The following ADAMTS7 variants were observed in gnomAD, a reference collection of about 807,000 sequenced individuals.
ADAMTS7 encodes the protein A disintegrin and metalloproteinase with thrombospondin motifs 7.
Under a neutral mutation model 172.6 loss-of-function variants are expected in ADAMTS7, and 89 were observed. That is an observed-to-expected ratio of 0.52 (90% confidence interval 0.43 to 0.61). ADAMTS7 has a LOEUF of 0.61. ADAMTS7 is among the 20% of genes least tolerant of loss of function. The pLI is 0.00. For synonymous variants in ADAMTS7, 885 were observed against 978.4 expected (o/e 0.90, Z 1.78); for missense variants, 1,973 against 2,355.6 (o/e 0.84, Z 3.36).
chr15:78,783,254 A>G (rs1047176803), intron 8 of ADAMTS7, among the ~76,000 whole-genome samples: 2 of 152,144 alleles, frequency 1.3e-5, no homozygotes, highest in African/African-American at 4.8e-5. Context: ...TATATATGAA[A>G]TACAGCCAAT....
At position 78,776,206 on chromosome 15, in the gene ADAMTS7, C is replaced by T. The variant is rs549518349; in HGVS notation, c.1688G>A (p.Arg563Gln). 1.5e-5 allele frequency: 24 copies of T among 1,611,032 alleles called. No individual in the cohort carries two copies. Among genetic ancestry groups the T allele is most frequent in the South Asian group, 4.4e-5 (4 of 90,956 alleles). The change falls in exon 11 of 24, where the codon CGG becomes CAG. Residue 563 changes from arginine to glutamine, a missense_variant. By Grantham distance (43) the Arg-to-Gln change is conservative. Coordinates refer to ENST00000388820, the MANE Select transcript of ADAMTS7 (RefSeq NM_014272.5). ...SCGMGVQSAE[R>Q]QCTQPTPKYK... ...CACTCACGTAGGCTGCGTGCACTGC[C>T]GCTCGGCGCTCTGTACGCCCATGCC... is the stretch of plus-strand genomic sequence containing the variant.
At position 78,791,145 on chromosome 15, in the gene ADAMTS7, C is replaced by T; in HGVS notation, c.898G>A (p.Glu300Lys). 6.2e-7 allele frequency: 1 copy of T among 1,613,014 alleles called. No individual in the cohort carries two copies. Among genetic ancestry groups the T allele is most frequent in the Non-Finnish European group, 8.5e-7 (1 of 1,179,476 alleles). Residue 300 changes from glutamate (E) to lysine (K), a missense_variant, in exon 5 of 24, where the codon GAG becomes AAG. Physicochemically the swap from Glu to Lys is moderately conservative, Grantham distance 56. Coordinates refer to ENST00000388820, the MANE Select transcript of ADAMTS7 (RefSeq NM_014272.5). ...TIVRLVLLED[E>K]EEDLKITHHA... ...GGGACCACATGACCACTCACCTCCT[C>T]ATCTTCCAGCAGGACCAGGCGCACA...
Position 78,796,690 on chromosome 15 carries a change from T to C in ADAMTS7, c.719A>G (p.Lys240Arg), listed in dbSNP as rs753745208. ...LRRLHQRSVS[K>R]EKWVETLVVA... The stretch of plus-strand genomic sequence containing the variant: ...TACCAGGGTCTCCACCCACTTCTCT[T>C]TGCTGACCGACCGCTGGTGTAGACG... Residue 240 changes from lysine (K) to arginine (R), a missense_variant, in exon 4 of 24, where the codon AAA becomes AGA. Lys to Arg is a conservative substitution (Grantham distance 26, BLOSUM62 2). Around this residue, in one of 8 missense-constraint regions of ADAMTS7, gnomAD observed 526 missense variants for 662.9 expected, o/e 0.79. Transcript: ENST00000388820. 6.2e-7 allele frequency: 1 copy of C among 1,614,030 alleles called. No homozygotes were observed. Among genetic ancestry groups the C allele is most frequent in the Non-Finnish European group, 8.5e-7 (1 of 1,180,012 alleles).
chr15:78,781,991 T>C (rs2055434355), intron 8 of ADAMTS7, among the ~76,000 whole-genome samples: 1 of 152,142 alleles, frequency 6.6e-6, no homozygotes, highest in Non-Finnish European at 1.5e-5. Context: ...AGAGCTAATA[T>C]AACTTGTCTG....
chr15:78,787,153 C>T lies in ADAMTS7; in HGVS notation c.1322+1078G>A, dbSNP rs188816652. Among the ~76,000 whole-genome samples the T allele has an allele frequency of 2.5e-4, 38 of 151,982 alleles. No individual in the cohort carries two copies. In the East Asian group the frequency reaches 5.8e-3, roughly 23 times the overall value. Reference sequence around the variant, plus strand: ...ACAGTAGGCTATTAGCAGTTTTGGGCGAGTCGAAAGTTATACATGGATTTT... The same window carrying T: ...ACAGTAGGCTATTAGCAGTTTTGGGTGAGTCGAAAGTTATACATGGATTTT... On this transcript the variant is annotated intron_variant, in intron 8 of 23. Coordinates refer to ENST00000388820, the MANE Select transcript of ADAMTS7 (RefSeq NM_014272.5).
At chr15:78,810,504 AG>A (rs1263507525) in intron 1 of ADAMTS7, 1 of 152,286 alleles carries the variant, frequency 6.6e-6, no homozygotes, top group Non-Finnish European at 1.5e-5. Flanking sequence ...GGCCGGGAAA[AG>A]AAGCTCCTGC....
At chr15:78,785,402 G>C (rs1468630144) in intron 8 of ADAMTS7, among the ~76,000 whole-genome samples, 1 of 151,954 alleles carries the variant, frequency 6.6e-6, no homozygotes, top group Non-Finnish European at 1.5e-5. Flanking sequence ...ACAAACATTA[G>C]CTGGGCAGGG....
At chr15:78,790,188 A>C (rs1002251298) in intron 6 of ADAMTS7, among the ~76,000 whole-genome samples, 7 of 152,326 alleles carry the variant, frequency 4.6e-5, no homozygotes, top group African/African-American at 1.7e-4. Flanking sequence ...GGTGGCTGTG[A>C]CTATAAACGG....
At chr15:78,778,980 C>G (rs370750119) in intron 8 of ADAMTS7, among the ~76,000 whole-genome samples, 52 of 152,062 alleles carry the variant, frequency 3.4e-4, no homozygotes. Flanking sequence ...CATGGACTCC[C>G]GAAGCCCTGA....
chr15:78,787,153 C>A (rs188816652), intron 8 of ADAMTS7, among the ~76,000 whole-genome samples: 1 of 151,864 alleles, frequency 6.6e-6, no homozygotes, highest in South Asian at 2.1e-4. Flanking sequence ...CAGTTTTGGG[C>A]GAGTCGAAAG....
chr15:78,805,274 T>C (rs868186391), intron 1 of ADAMTS7, among the ~76,000 whole-genome samples: 72 of 152,380 alleles, frequency 4.7e-4, no homozygotes, highest in Middle Eastern at 3.4e-3. Context: ...TGATCAGTTA[T>C]TGATTTTTTG....
At chr15:78,795,921 C>G (rs1234706203) in intron 4 of ADAMTS7, among the ~76,000 whole-genome samples, 2 of 152,226 alleles carry the variant, frequency 1.3e-5, no homozygotes, top group African/African-American at 4.8e-5. Flanking sequence ...GAGCTCCCAT[C>G]TGGCTCTGCC....
chr15:78,761,115 G>T (rs552016667), intron 23 of ADAMTS7, among the ~76,000 whole-genome samples: 21 of 152,380 alleles, frequency 1.4e-4, no homozygotes, highest in African/African-American at 5.1e-4. Flanking sequence ...AGGACAGGGT[G>T]GGGGCGCTGC....
rs560172523 is a variant in ADAMTS7, at chr15:78,793,113, A to T, written c.820-1890T>A. 1.6e-3 allele frequency among the ~76,000 whole-genome samples: 244 copies of T among 152,294 alleles called. 2 individuals carry two copies. The highest frequency in any genetic ancestry group is 4.6e-3 in the South Asian group (22 of 4,824). On this transcript the variant is annotated intron_variant, in intron 4 of 23. Transcript: ENST00000388820. ...TCCCTGTGCTGGGGGCTTAGCATGC[A>T]TTATCTCATTTAATCTTCTTACTTC...
At chr15:78,780,255 C>A (rs1373546164) in intron 8 of ADAMTS7, among the ~76,000 whole-genome samples, 8 of 151,632 alleles carry the variant, frequency 5.3e-5, no homozygotes, top group African/African-American at 1.9e-4. Context: ...CTAATTATAG[C>A]GGGGCTGGGC....
chr15:78,795,085 C>G (rs900034296), intron 4 of ADAMTS7, among the ~76,000 whole-genome samples: 44 of 152,298 alleles, frequency 2.9e-4, no homozygotes, highest in African/African-American at 1.0e-3. Flanking sequence ...TGAAATGAAC[C>G]CAGTTAACCA....
intron 4 of ADAMTS7, among the ~76,000 whole-genome samples, chr15:78,792,209 G>A (rs1024061117): frequency 5.3e-5 from 8 of 152,132 alleles, no homozygotes; most frequent in Admixed American, 6.5e-5. Flanking sequence ...ATGTGCCACC[G>A]TCACCTCCAC....
chr15:78,763,093 G>T (rs1274415598), intron 22 of ADAMTS7, among the ~76,000 whole-genome samples: 2 of 152,186 alleles, frequency 1.3e-5, no homozygotes, highest in Non-Finnish European at 2.9e-5. Context: ...GCTTCGTTGC[G>T]TTCCTTCATT....
intron 8 of ADAMTS7, among the ~76,000 whole-genome samples, chr15:78,781,367 GC>G (rs1378378600): frequency 6.6e-6 from 1 of 152,180 alleles, no homozygotes; most frequent in East Asian, 1.9e-4. Context: ...CCTCGGGAGG[GC>G]CCTGCTGCCT....
Sources: gnomAD v4.1 joint callset for allele counts (sites outside exome capture counted in the v4.1 genomes callset) on GRCh38, gnomAD v4.1.1 for gene constraint, gnomAD v4.1.1 regional missense constraint, MANE v1.5 for transcripts, NCBI Gene and HGNC (gene_info 2026-07-23, HGNC 2026-07-21) for gene names.